Variants in DNAJC11 observed in about 807,000 individuals in gnomAD.
DNAJC11 encodes the protein DnaJ heat shock protein family (Hsp40) member C11, also known as dnaJ homolog subfamily C member 11.
Under a neutral mutation model 78.6 loss-of-function variants are expected in DNAJC11, and 15 were observed. The observed-to-expected ratio is 0.19, with a 90% confidence interval of 0.13 to 0.29. The LOEUF (loss-of-function observed/expected upper bound fraction) is 0.29. Ranked by LOEUF, DNAJC11 falls within the 10% of genes least tolerant of loss-of-function variation. The probability of loss-of-function intolerance (pLI) is 1.00; values close to 1 mark genes in which losing one functional copy is unlikely to be tolerated. For synonymous variants in DNAJC11, 292 were observed against 272.1 expected (o/e 1.07, Z -0.72); for missense variants, 547 against 709.6 (o/e 0.77, Z 2.60).
At chr1:6,678,509 C>T (rs1642505975) in intron 2 of DNAJC11, 42 bp from the exon 3 acceptor site, 1 of 1,528,352 alleles carries the variant, frequency 6.5e-7, no homozygotes. Flanking sequence ...ATACAAAATT[C>T]ACCTTCAGTC....
chr1:6,695,532 C>T (rs943201545), intron 1 of DNAJC11, among the ~76,000 whole-genome samples: 1 of 147,420 alleles, frequency 6.8e-6, no homozygotes, highest in African/African-American at 2.5e-5. Context: ...TGGCTCATGC[C>T]TGTAATCCCA....
chr1:6,681,033 G>C lies in DNAJC11; in HGVS notation c.77C>G (p.Ser26Cys). ...YSLLNVRREA[S>C]SEELKAAYRR... is the part of the protein sequence containing the mutation. ...GTAGGCAGCTTTCAGCTCTTCAGAA[G>C]AGGCCTAAAGAAAGAAAAATTCAAT... Residue 26 changes from serine (S) to cysteine (C), a missense_variant, in exon 2 of 16, where the codon TCT becomes TGT. Transcript: ENST00000377577. The C allele has an allele frequency of 6.3e-7, 1 of 1,595,286 alleles. No individual in the cohort carries two copies. Among genetic ancestry groups the C allele is most frequent in the African/African-American group, 1.4e-5 (1 of 74,064 alleles).
At chr1:6,658,536 C>A (rs1188719770) in intron 4 of DNAJC11, among the ~76,000 whole-genome samples, 1 of 152,034 alleles carries the variant, frequency 6.6e-6, no homozygotes, top group Non-Finnish European at 1.5e-5. Flanking sequence ...GAGTGGCTGC[C>A]TTAAGGGAAC....
chr1:6,688,664 T>G (rs1642695888), intron 1 of DNAJC11, among the ~76,000 whole-genome samples: 1 of 152,196 alleles, frequency 6.6e-6, no homozygotes, highest in Non-Finnish European at 1.5e-5. Context: ...GAAAACTTCA[T>G]GGAGGTGGTG....
chr1:6,698,026 G>A (rs1052554540), intron 1 of DNAJC11, among the ~76,000 whole-genome samples: 3 of 152,142 alleles, frequency 2.0e-5, no homozygotes, highest in Non-Finnish European at 2.9e-5. Flanking sequence ...TCCTGACCTC[G>A]TGATCCGCCC....
Position 6,634,585 on chromosome 1 carries a change from C to T in DNAJC11, c.*1090G>A, listed in dbSNP as rs1192668503. The T allele has an allele frequency of 2.2e-5, 30 of 1,365,958 alleles. No homozygotes were observed. Among genetic ancestry groups the T allele is most frequent in the Non-Finnish European group, 2.9e-5 (30 of 1,021,772 alleles). 84.6% of individuals were successfully genotyped at this position (1,365,958 alleles called of 1,614,324 possible). On this transcript the variant is annotated 3_prime_UTR_variant, in exon 16 of 16. Transcript: ENST00000377577. ...GTCAGCAAGAGCAACTGATGGCTGCCACTTCCAGGCCCCGAGAGACAGGCC... is the reference window on the plus strand; with the variant it reads ...GTCAGCAAGAGCAACTGATGGCTGCTACTTCCAGGCCCCGAGAGACAGGCC...
chr1:6,696,895 G>A (rs1284972130), intron 1 of DNAJC11, among the ~76,000 whole-genome samples: 1 of 152,228 alleles, frequency 6.6e-6, no homozygotes, highest in East Asian at 1.9e-4. Context: ...CTGCAAAAAT[G>A]AAATTCTTTC....
In DNAJC11 at chr1:6,643,306, C is replaced by T. The variant is rs557295991; in HGVS notation, c.1097+1252G>A. On this transcript the variant is annotated intron_variant, in intron 10 of 15. Transcript: ENST00000377577. ...TTTTTTTTTTTTTTGAGTGGAGTCTCGCTCTGATGCCCAGGCTGGAGTGCA... is the reference window on the plus strand; with the variant it reads ...TTTTTTTTTTTTTTGAGTGGAGTCTTGCTCTGATGCCCAGGCTGGAGTGCA... Among the ~76,000 whole-genome samples, 76 of 147,346 alleles carry T rather than the reference C, an allele frequency of 5.2e-4. 1 individual carries two copies. The South Asian group carries it at 0.01, about 20-fold the overall frequency.
Position 6,636,062 on chromosome 1 carries a change from C to T in DNAJC11, c.1654+55G>A, listed in dbSNP as rs563438326. On this transcript the variant is annotated intron_variant, in intron 15 of 15. Coordinates refer to ENST00000377577, the MANE Select transcript of DNAJC11 (RefSeq NM_018198.4). Reference sequence around the variant, plus strand: ...GCTGGCAGCCCACACACTGAGCAGCCGCTTCGAGGTCCCCGCCCCCGTTAG... The same window carrying T: ...GCTGGCAGCCCACACACTGAGCAGCTGCTTCGAGGTCCCCGCCCCCGTTAG... The T allele has an allele frequency of 4.5e-5, 70 of 1,569,522 alleles. No individual in the cohort carries two copies. In the East Asian group the frequency reaches 1.2e-3, roughly 26 times the overall value.
intron 6 of DNAJC11, among the ~76,000 whole-genome samples, chr1:6,652,518 C>T (rs1006323470): frequency 2.0e-5 from 3 of 152,162 alleles, no homozygotes; most frequent in Non-Finnish European, 4.4e-5. Context: ...GCAACCTCTG[C>T]CTCCTGGGTT....
In DNAJC11 at chr1:6,636,117, A is replaced by G. The variant is rs1036966439; in HGVS notation, c.1654T>C (p.Ser552Pro). The G allele has an allele frequency of 6.2e-7, 1 of 1,613,348 alleles. No homozygotes were observed. The highest frequency in any genetic ancestry group is 1.3e-5 in the African/African-American group (1 of 74,876). ...DSEALRIPKQ[S>P]HRIDTDG ...TGACTGCGAAGGGACGGCTACTCAC[A>G]CTGCTTTGGTATCCGGAGGGCCTCA... Residue 552 changes from serine (S) to proline (P), a missense_variant and splice_region_variant, in exon 15 of 16, where the codon TCC becomes CCC. Coordinates refer to ENST00000377577, the MANE Select transcript of DNAJC11 (RefSeq NM_018198.4).
intron 3 of DNAJC11, 72 bp downstream of exon 3, chr1:6,678,322 C>T: frequency 7.5e-7 from 1 of 1,337,110 alleles, no homozygotes; most frequent in Non-Finnish European, 1.1e-6. Context: ...TTACAGATTG[C>T]AGGGTTTTGG....
At chr1:6,678,672 T>G (rs1456204652) in intron 2 of DNAJC11, among the ~76,000 whole-genome samples, 1 of 152,144 alleles carries the variant, frequency 6.6e-6, no homozygotes, top group Non-Finnish European at 1.5e-5. Flanking sequence ...ACTTATTGAC[T>G]GACAGGGTCC....
At chr1:6,672,957 C>T (rs561813172) in intron 3 of DNAJC11, among the ~76,000 whole-genome samples, 108 of 151,168 alleles carry the variant, frequency 7.1e-4, no homozygotes, top group African/African-American at 2.4e-3. Context: ...ACTGACTGAG[C>T]GGCCAGGTGC....
intron 3 of DNAJC11, among the ~76,000 whole-genome samples, chr1:6,675,170 C>T (rs1207488388): frequency 2.0e-5 from 3 of 151,858 alleles, no homozygotes; most frequent in Non-Finnish European, 4.4e-5. Context: ...ATAATGGGCT[C>T]AATTTTCCTA....
intron 4 of DNAJC11, among the ~76,000 whole-genome samples, chr1:6,660,683 A>T (rs1456160176): frequency 2.0e-5 from 3 of 152,212 alleles, no homozygotes; most frequent in African/African-American, 7.2e-5. Context: ...CAAGTCAACG[A>T]AAGATGACCA....
At chr1:6,693,922 C>T (rs546445270) in intron 1 of DNAJC11, among the ~76,000 whole-genome samples, 2 of 151,428 alleles carry the variant, frequency 1.3e-5, no homozygotes, top group East Asian at 3.9e-4. Flanking sequence ...TCACGGCAAC[C>T]TCCACCTCCC....
chr1:6,666,385 C>CTTTTTTTTTTTTTTTTTTTTTTT (rs767579276), intron 4 of DNAJC11, among the ~76,000 whole-genome samples: 1 of 120,620 alleles, frequency 8.3e-6, no homozygotes, highest in Non-Finnish European at 1.8e-5. Flanking sequence ...TCTTTCTTTT[C>CTTTTTTTTTTTTTTTTTTTTTTT]TTTTTTTTTT....
At position 6,634,220 on chromosome 1, in the gene DNAJC11, C is replaced by A; in HGVS notation, c.*1455G>T. Reference sequence around the variant, plus strand: ...TGAGTGCCTTCTGTACAGTCGACTGCAAATGAAACGCAGAGGATGGGTGCC... The same window carrying A: ...TGAGTGCCTTCTGTACAGTCGACTGAAAATGAAACGCAGAGGATGGGTGCC... On this transcript the variant is annotated 3_prime_UTR_variant, in exon 16 of 16. Coordinates refer to ENST00000377577, the MANE Select transcript of DNAJC11 (RefSeq NM_018198.4). 1 of 946,696 alleles carries A rather than the reference C, an allele frequency of 1.1e-6. No homozygotes were observed. Among genetic ancestry groups the A allele is most frequent in the Non-Finnish European group, 1.6e-6 (1 of 630,434 alleles). 58.6% of individuals were successfully genotyped at this position (946,696 alleles called of 1,614,324 possible).
Sources: gnomAD v4.1 joint callset for allele counts (sites outside exome capture counted in the v4.1 genomes callset) on GRCh38, gnomAD v4.1.1 for gene constraint, MANE v1.5 for transcripts, NCBI Gene and HGNC (gene_info 2026-07-23, HGNC 2026-07-21) for gene names.